Variants in ETV6 observed in about 807,000 individuals in gnomAD.
ETV6 encodes the protein ETS variant transcription factor 6.
ETV6 carries 16 observed loss-of-function variants against 51.1 expected under a neutral mutation model. The observed-to-expected ratio is 0.31, with a 90% CI of 0.21 to 0.48. The LOEUF (loss-of-function observed/expected upper bound fraction) is 0.48. Among genes scored for constraint, ETV6 ranks in the 20% least tolerant of loss-of-function variants. ETV6 has a pLI of 0.99. For missense variants in ETV6, 458 were observed against 594.8 expected (o/e 0.77, Z 2.39); for synonymous variants, 240 against 224.1 (o/e 1.07, Z -0.64).
At chr12:11,834,685 G>A (rs1161994946) in intron 2 of ETV6, among the ~76,000 whole-genome samples, 2 of 152,198 alleles carry the variant, frequency 1.3e-5, no homozygotes, top group African/African-American at 4.8e-5. Context: ...GCATTAATCT[G>A]TCTTCTGTGA....
At chr12:11,756,425 T>A (rs909949845) in intron 2 of ETV6, among the ~76,000 whole-genome samples, 40 of 152,218 alleles carry the variant, frequency 2.6e-4, no homozygotes, top group Non-Finnish European at 4.4e-5. Flanking sequence ...TACTGAATTT[T>A]TTTTGAAGCT....
chr12:11,846,960 C>T (rs923144695), intron 3 of ETV6, among the ~76,000 whole-genome samples: 1 of 152,202 alleles, frequency 6.6e-6, no homozygotes, highest in East Asian at 1.9e-4. Flanking sequence ...GCAAGGTCCA[C>T]CTTCCGGGTT....
rs1945035320 is a variant in ETV6, at chr12:11,758,297, G to A, written c.163+5718G>A. Among the ~76,000 whole-genome samples the A allele has an allele frequency of 2.6e-5, 4 of 152,168 alleles. No individual in the cohort carries two copies. The South Asian group carries it at 8.3e-4, about 31-fold the overall frequency. On this transcript the variant is annotated intron_variant, in intron 2 of 7. Transcript: ENST00000396373. ...TCATTTATGTATAGCACCTGGCATA[G>A]TGCCTGGCCTGCAGTGGCCAGGTAG...
At chr12:11,751,372 TCTTTC>T (rs1466002079) in intron 1 of ETV6, 1 of 518,918 alleles carries the variant, frequency 1.9e-6, no homozygotes, top group African/African-American at 1.9e-5. Context: ...ATCTTACTGG[TCTTTC>T]CTTTCCACCA....
chr12:11,871,441 C>T (rs1365810743), intron 5 of ETV6, among the ~76,000 whole-genome samples: 1 of 152,028 alleles, frequency 6.6e-6, no homozygotes, highest in Non-Finnish European at 1.5e-5. Flanking sequence ...CCGCCTGCGT[C>T]GGCCTCCTAA....
intron 2 of ETV6, among the ~76,000 whole-genome samples, chr12:11,822,541 G>A (rs1481483292): frequency 2.0e-5 from 3 of 152,180 alleles, no homozygotes; most frequent in African/African-American, 4.8e-5. Flanking sequence ...AAAACCGGAA[G>A]AGTGTTTAAC....
chr12:11,710,463 G>C (rs1865153539), intron 1 of ETV6, among the ~76,000 whole-genome samples: 1 of 152,166 alleles, frequency 6.6e-6, no homozygotes, highest in Admixed American at 6.5e-5. Context: ...AACAATCCCA[G>C]GTGGTAACTA....
At chr12:11,697,019 C>T (rs1864890338) in intron 1 of ETV6, among the ~76,000 whole-genome samples, 1 of 152,244 alleles carries the variant, frequency 6.6e-6, no homozygotes, top group South Asian at 2.1e-4. Flanking sequence ...GTAGGTAATA[C>T]TTCTGTAAAT....
At chr12:11,675,504 G>C (rs891861547) in intron 1 of ETV6, among the ~76,000 whole-genome samples, 1 of 152,126 alleles carries the variant, frequency 6.6e-6, no homozygotes, top group African/African-American at 2.4e-5. Flanking sequence ...GCAAGGCATA[G>C]GTTTTTTTTC....
chr12:11,664,801 C>G (rs1223272713), intron 1 of ETV6, among the ~76,000 whole-genome samples: 1 of 152,166 alleles, frequency 6.6e-6, no homozygotes. Flanking sequence ...GGCCCCAGAC[C>G]TTTCAGTTGT....
At chr12:11,714,306 G>C (rs1819297274) in intron 1 of ETV6, among the ~76,000 whole-genome samples, 1 of 152,170 alleles carries the variant, frequency 6.6e-6, no homozygotes, top group African/African-American at 2.4e-5. Context: ...GCTCTCTCTT[G>C]CTCTTTGCTC....
rs117816309 is a variant in ETV6 at position 11,677,034 on chromosome 12, A to G, written c.33+26874A>G. On this transcript the variant is annotated intron_variant, in intron 1 of 7. Coordinates refer to ENST00000396373, the MANE Select transcript of ETV6 (RefSeq NM_001987.5). Reference sequence around the variant, plus strand: ...GTTTTTAATTTTTAGTTGGAAATTCAGAATATTAAGTTACACATAACCTGC... The same window carrying G: ...GTTTTTAATTTTTAGTTGGAAATTCGGAATATTAAGTTACACATAACCTGC... Among the ~76,000 whole-genome samples the G allele has an allele frequency of 3.4e-3, 518 of 152,380 alleles. 2 individuals carry two copies. Among genetic ancestry groups the G allele is most frequent in the Admixed American group, 5.4e-3 (82 of 15,310 alleles).
At chr12:11,720,079 G>A (rs1011191467) in intron 1 of ETV6, among the ~76,000 whole-genome samples, 1 of 152,218 alleles carries the variant, frequency 6.6e-6, no homozygotes, top group Non-Finnish European at 1.5e-5. Context: ...TACAGATTTG[G>A]CAAAGGACGA....
At chr12:11,691,323 G>T (rs1864758873) in intron 1 of ETV6, among the ~76,000 whole-genome samples, 1 of 152,112 alleles carries the variant, frequency 6.6e-6, no homozygotes, top group African/African-American at 2.4e-5. Context: ...CATCCCCCCA[G>T]ACAAATCTAG....
At chr12:11,867,879 T>G (rs1312473203) in intron 4 of ETV6, among the ~76,000 whole-genome samples, 1 of 152,114 alleles carries the variant, frequency 6.6e-6, no homozygotes, top group African/African-American at 2.4e-5. Context: ...AAATCCCCAT[T>G]TTTATGGGCA....
chr12:11,855,293 G>C (rs978801849), intron 4 of ETV6, among the ~76,000 whole-genome samples: 3 of 152,092 alleles, frequency 2.0e-5, no homozygotes, highest in Non-Finnish European at 4.4e-5. Context: ...GCGACAGAGC[G>C]AGACTCTGTC....
intron 2 of ETV6, among the ~76,000 whole-genome samples, chr12:11,812,587 T>G (rs1945929430): frequency 6.6e-6 from 1 of 152,204 alleles, no homozygotes; most frequent in African/African-American, 2.4e-5. Context: ...TGAGACTGGC[T>G]GCCATCAGAC....
At chr12:11,699,008 C>T (rs117327282) in intron 1 of ETV6, among the ~76,000 whole-genome samples, 2,405 of 152,310 alleles carry the variant, frequency 0.016, 50 homozygotes, top group East Asian at 0.11. Flanking sequence ...CCACTATCAT[C>T]GCACTCTGAA....
intron 1 of ETV6, among the ~76,000 whole-genome samples, chr12:11,738,915 C>T (rs775698880): frequency 2.6e-5 from 4 of 151,966 alleles, no homozygotes; most frequent in African/African-American, 4.8e-5. Flanking sequence ...TAGGTGTCTC[C>T]GAAGTGTTAT....
Sources: gnomAD v4.1 joint callset for allele counts (sites outside exome capture counted in the v4.1 genomes callset) on GRCh38, gnomAD v4.1.1 for gene constraint, MANE v1.5 for transcripts, NCBI Gene and HGNC (gene_info 2026-07-23, HGNC 2026-07-21) for gene names.